Variants in THSD7B observed in about 807,000 individuals in gnomAD.
The protein encoded by THSD7B is thrombospondin type-1 domain-containing protein 7B.
A neutral mutation model predicts 213.6 loss-of-function variants in THSD7B; 138 were observed. The ratio of observed to expected loss-of-function variants is 0.65; its 90% CI spans 0.56 to 0.74. THSD7B has a LOEUF of 0.74. Among genes scored for constraint, THSD7B ranks in the 30% least tolerant of loss-of-function variants. THSD7B has a pLI of 0.00. For synonymous variants in THSD7B, 742 were observed against 687.0 expected (o/e 1.08, Z -1.25); for missense variants, 1,931 against 1,991.5 (o/e 0.97, Z 0.58).
At chr2:136,956,968 G>A (rs539939899) in intron 2 of THSD7B, among the ~76,000 whole-genome samples, 94 of 152,202 alleles carry the variant, frequency 6.2e-4, no homozygotes, top group African/African-American at 2.2e-3. Context: ...ATGAGCCACC[G>A]TGTCCAGCCC....
In THSD7B at chr2:136,889,790, G is replaced by A. The variant is rs146718393; in HGVS notation, c.139+7473G>A. 9.2e-4 allele frequency among the ~76,000 whole-genome samples: 140 copies of A among 152,232 alleles called. 1 individual carries two copies. The East Asian group carries it at 0.024, about 26-fold the overall frequency. ...ACAGTCCTGTCCCCCTGCACAGCCTGCATAGTCATCATCTGTGGAACATCC... is the reference window on the plus strand; with the variant it reads ...ACAGTCCTGTCCCCCTGCACAGCCTACATAGTCATCATCTGTGGAACATCC... On this transcript the variant is annotated intron_variant, in intron 2 of 27. Coordinates refer to ENST00000409968, the MANE Select transcript of THSD7B (RefSeq NM_001316349.2).
chr2:137,021,728 GTT>G (rs1446888813), intron 2 of THSD7B, among the ~76,000 whole-genome samples: 8 of 152,146 alleles, frequency 5.3e-5, no homozygotes, highest in Admixed American at 5.2e-4. Flanking sequence ...TCATGTGCCT[GTT>G]TATAGACACA....
At chr2:137,575,356 G>A (rs1429861251) in intron 17 of THSD7B, among the ~76,000 whole-genome samples, 1 of 151,898 alleles carries the variant, frequency 6.6e-6, no homozygotes, top group African/African-American at 2.4e-5. Context: ...AAGCTATACA[G>A]GAAAGATCCC....
At chr2:136,942,867 G>A (rs1684856061) in intron 2 of THSD7B, among the ~76,000 whole-genome samples, 1 of 152,146 alleles carries the variant, frequency 6.6e-6, no homozygotes. Flanking sequence ...GATTGCCCTG[G>A]CCAGAACTTC....
intron 15 of THSD7B, among the ~76,000 whole-genome samples, chr2:137,480,041 C>G (rs778590440): frequency 2.1e-4 from 32 of 152,196 alleles, no homozygotes; most frequent in Non-Finnish European, 4.1e-4. Context: ...GGGAAGCTAT[C>G]TAGGCACCCA....
At chr2:137,090,355 C>T (rs1351288703) in intron 3 of THSD7B, among the ~76,000 whole-genome samples, 1 of 151,794 alleles carries the variant, frequency 6.6e-6, no homozygotes. Context: ...GTTAGTTTTG[C>T]TAGAAAGGTA....
At chr2:137,262,952 T>G (rs1414692639) in intron 10 of THSD7B, among the ~76,000 whole-genome samples, 3 of 152,158 alleles carry the variant, frequency 2.0e-5, no homozygotes, top group African/African-American at 7.2e-5. Context: ...TGACTTCAGT[T>G]GTGATATGTA....
chr2:136,984,836 C>T (rs1047200946), intron 2 of THSD7B, among the ~76,000 whole-genome samples: 3 of 151,992 alleles, frequency 2.0e-5, no homozygotes, highest in Non-Finnish European at 2.9e-5. Flanking sequence ...AAATGGACAG[C>T]GAAGGCCAGG....
intron 3 of THSD7B, among the ~76,000 whole-genome samples, chr2:137,091,913 T>A (rs1573817655): frequency 6.6e-6 from 1 of 152,084 alleles, no homozygotes; most frequent in African/African-American, 2.4e-5. Context: ...TATTGCACAA[T>A]AGAAAGAGGT....
chr2:137,622,347 G>A (rs1307113372), intron 20 of THSD7B, among the ~76,000 whole-genome samples: 2 of 152,136 alleles, frequency 1.3e-5, no homozygotes, highest in South Asian at 4.2e-4. Context: ...CTTTGAGCCT[G>A]CAAAAACAAA....
chr2:137,557,732 C>A (rs377147615), intron 15 of THSD7B, among the ~76,000 whole-genome samples: 2 of 151,844 alleles, frequency 1.3e-5, no homozygotes, highest in East Asian at 3.9e-4. Context: ...AACTGAAGGA[C>A]ATAGAGACAC....
At chr2:137,311,768 T>C (rs1400615223) in intron 12 of THSD7B, among the ~76,000 whole-genome samples, 1 of 151,168 alleles carries the variant, frequency 6.6e-6, no homozygotes, top group Non-Finnish European at 1.5e-5. Flanking sequence ...GATAATCATG[T>C]GGTTTTTGTC....
intron 15 of THSD7B, 157 bp from the exon 16 acceptor site, chr2:137,563,064 A>T: frequency 1.5e-6 from 1 of 688,852 alleles, no homozygotes; most frequent in South Asian, 2.8e-5. Flanking sequence ...AATTCAGAGA[A>T]GCCAAATCTA....
At chr2:137,530,671 T>G (rs938384186) in intron 15 of THSD7B, among the ~76,000 whole-genome samples, 1 of 151,922 alleles carries the variant, frequency 6.6e-6, no homozygotes, top group Non-Finnish European at 1.5e-5. Flanking sequence ...TGGGGTGTTC[T>G]GGGGATAGCT....
At chr2:137,369,950 T>G (rs1685505523) in intron 12 of THSD7B, among the ~76,000 whole-genome samples, 1 of 148,326 alleles carries the variant, frequency 6.7e-6, no homozygotes, top group Non-Finnish European at 1.5e-5. Flanking sequence ...TGAATTTGAA[T>G]AGCTGTCTCT....
chr2:137,423,849 T>A (rs529308434), intron 14 of THSD7B, among the ~76,000 whole-genome samples: 53 of 152,104 alleles, frequency 3.5e-4, no homozygotes, highest in Non-Finnish European at 5.7e-4. Flanking sequence ...AGATCAAGAA[T>A]AGTCAAACAG....
At chr2:137,504,107 T>C (rs1679780312) in intron 15 of THSD7B, among the ~76,000 whole-genome samples, 1 of 152,086 alleles carries the variant, frequency 6.6e-6, no homozygotes, top group South Asian at 2.1e-4. Flanking sequence ...TTGTCATCTT[T>C]ATGTTCCTGA....
intron 7 of THSD7B, among the ~76,000 whole-genome samples, chr2:137,175,057 G>A (rs964593696): frequency 3.3e-5 from 5 of 152,200 alleles, no homozygotes; most frequent in African/African-American, 7.2e-5. Flanking sequence ...ATCTTCAAAA[G>A]CAAGTTGGAA....
intron 1 of THSD7B, among the ~76,000 whole-genome samples, chr2:136,800,147 AT>A (rs1271364936): frequency 1.3e-5 from 2 of 151,952 alleles, no homozygotes; most frequent in Admixed American, 1.3e-4. Flanking sequence ...TGAACCCTCA[AT>A]TTTTTTCACA....
Sources: gnomAD v4.1 joint callset for allele counts (sites outside exome capture counted in the v4.1 genomes callset) on GRCh38, gnomAD v4.1.1 for gene constraint, MANE v1.5 for transcripts, NCBI Gene and HGNC (gene_info 2026-07-23, HGNC 2026-07-21) for gene names.